B3GALT1: variants seen among roughly 807,000 people sequenced by gnomAD.
B3GALT1 encodes the protein UDP-Gal:betaGlcNAc beta 1,3-galactosyltransferase, polypeptide 1.
In B3GALT1, 10 loss-of-function variants were observed where a neutral mutation model predicts 23.2. That is an observed-to-expected ratio of 0.43 (90% confidence interval 0.27 to 0.73). B3GALT1 has a LOEUF of 0.73. Ranked by LOEUF, B3GALT1 falls within the 30% of genes least tolerant of loss-of-function variation. The pLI is 0.21. For synonymous variants in B3GALT1, 156 were observed against 141.5 expected (o/e 1.10, Z -0.73); for missense variants, 299 against 405.4 (o/e 0.74, Z 2.25).
Position 167,869,819 on chromosome 2 carries a change from G to T in B3GALT1, c.780G>T (p.Leu260=). 1 of 1,614,100 alleles carries T rather than the reference G, an allele frequency of 6.2e-7. No homozygotes were observed. Among genetic ancestry groups the T allele is most frequent in the Non-Finnish European group, 8.5e-7 (1 of 1,179,998 alleles). ...LIYKTSLHTR[L]LHLEDVYVGL... ...ACAAGACCTCACTCCACACAAGGCTGCTTCACCTTGAAGACGTATATGTGG... is the reference window on the plus strand; with the variant it reads ...ACAAGACCTCACTCCACACAAGGCTTCTTCACCTTGAAGACGTATATGTGG... Residue 260 remains leucine (L), a synonymous_variant, in exon 5 of 5, where the codon CTG becomes CTT. Coordinates refer to ENST00000392690, the MANE Select transcript of B3GALT1 (RefSeq NM_020981.4). The surrounding 1 kb of genome is among the most constrained non-coding windows in gnomAD (Gnocchi z 6.4).
chr2:167,671,164 C>T (rs1021372602), intron 3 of B3GALT1, among the ~76,000 whole-genome samples: 2 of 151,810 alleles, frequency 1.3e-5, no homozygotes, highest in Non-Finnish European at 2.9e-5. Context: ...ATATACAAAG[C>T]AAATATTAAC....
At chr2:167,457,599 A>G (rs1699191822) in intron 1 of B3GALT1, among the ~76,000 whole-genome samples, 1 of 152,042 alleles carries the variant, frequency 6.6e-6, no homozygotes, top group South Asian at 2.1e-4. Flanking sequence ...TCCATAATCC[A>G]TCACCAATTT....
chr2:167,498,706 A>G (rs1699809376), intron 2 of B3GALT1, among the ~76,000 whole-genome samples: 1 of 152,146 alleles, frequency 6.6e-6, no homozygotes, highest in Non-Finnish European at 1.5e-5. Flanking sequence ...AGTCATCTGG[A>G]ATTTCAGGAT....
At position 167,354,567 on chromosome 2, in the gene B3GALT1, G is replaced by C. The variant is rs59956385; in HGVS notation, c.-511+61233G>C. Among the ~76,000 whole-genome samples the C allele has an allele frequency of 3.9e-5, 6 of 152,026 alleles. No homozygotes were observed. In the East Asian group the frequency reaches 1.2e-3, roughly 29 times the overall value. The stretch of plus-strand genomic sequence containing the variant: ...TCACCATGTTGGCCAGGATGGTCTC[G>C]GTCTGTTGACCTCGTGATCCACCCG... On this transcript the variant is annotated intron_variant, in intron 1 of 4. Transcript: ENST00000392690.
At chr2:167,760,109 A>G (rs1298850366) in intron 3 of B3GALT1, among the ~76,000 whole-genome samples, 1 of 152,194 alleles carries the variant, frequency 6.6e-6, no homozygotes, top group Non-Finnish European at 1.5e-5. Flanking sequence ...AGAACTTGAG[A>G]GTTCAGTTAA....
intron 2 of B3GALT1, among the ~76,000 whole-genome samples, chr2:167,641,377 T>C (rs1443198127): frequency 6.6e-6 from 1 of 152,132 alleles, no homozygotes; most frequent in East Asian, 1.9e-4. Context: ...TTATCCATCT[T>C]CCTAAATCCA....
intron 1 of B3GALT1, among the ~76,000 whole-genome samples, chr2:167,480,875 C>T (rs184518799): frequency 1.6e-3 from 238 of 152,286 alleles, no homozygotes; most frequent in Non-Finnish European, 2.4e-3. Context: ...CCCATACTGT[C>T]TACACTCCTT....
intron 2 of B3GALT1, among the ~76,000 whole-genome samples, chr2:167,645,020 C>T (rs1468210426): frequency 6.6e-6 from 1 of 152,004 alleles, no homozygotes; most frequent in African/African-American, 2.4e-5. Flanking sequence ...AATATATTTC[C>T]CATTTATTCT....
At chr2:167,844,539 A>C (rs987339050) in intron 4 of B3GALT1, among the ~76,000 whole-genome samples, 1 of 152,188 alleles carries the variant, frequency 6.6e-6, no homozygotes, top group South Asian at 2.1e-4. Context: ...GAGCAGAGTC[A>C]ATTTAGAGAG....
intron 1 of B3GALT1, among the ~76,000 whole-genome samples, chr2:167,341,380 G>A (rs1697143324): frequency 6.6e-6 from 1 of 152,136 alleles, no homozygotes; most frequent in South Asian, 2.1e-4. Flanking sequence ...AAAGATTACT[G>A]CCTGCGTGTG....
At chr2:167,558,619 C>T (rs746410436) in intron 2 of B3GALT1, among the ~76,000 whole-genome samples, 1 of 152,208 alleles carries the variant, frequency 6.6e-6, no homozygotes, top group Non-Finnish European at 1.5e-5. Flanking sequence ...CTGCGCTTTT[C>T]CGACGGGCTT....
chr2:167,746,542 C>A (rs1030769052), intron 3 of B3GALT1, among the ~76,000 whole-genome samples: 11 of 152,306 alleles, frequency 7.2e-5, no homozygotes, highest in African/African-American at 2.4e-4. Flanking sequence ...CAGCTGAATT[C>A]TTTTGCTGTT....
intron 2 of B3GALT1, among the ~76,000 whole-genome samples, chr2:167,530,608 A>C (rs1373431060): frequency 6.6e-6 from 1 of 152,192 alleles, no homozygotes; most frequent in Non-Finnish European, 1.5e-5. Context: ...GCTATTAAAA[A>C]ATTGAGAATT....
At chr2:167,521,544 A>G (rs1700188413) in intron 2 of B3GALT1, among the ~76,000 whole-genome samples, 1 of 152,108 alleles carries the variant, frequency 6.6e-6, no homozygotes, top group African/African-American at 2.4e-5. Context: ...ATCTTTGTCT[A>G]CAAATGTGGC....
intron 4 of B3GALT1, among the ~76,000 whole-genome samples, chr2:167,825,283 C>CAAAAAAAAA (rs71963760): frequency 4.9e-5 from 4 of 82,240 alleles, no homozygotes; most frequent in African/African-American, 1.5e-4. Context: ...GACTCCGTCT[C>CAAAAAAAAA]AAAAAAAAAA....
Position 167,340,335 on chromosome 2 carries a change from A to AAAAC in B3GALT1, c.-511+47001_-511+47002insAAAC, listed in dbSNP as rs1553513212. ...GGAGAAAAAAAAAAAAAAAAAAAAAACAGAGCTTTTGGCAATGGAACAAGG... is the reference window on the plus strand; with the variant it reads ...GGAGAAAAAAAAAAAAAAAAAAAAAAAAACCAGAGCTTTTGGCAATGGAACAAGG... On this transcript the variant is annotated intron_variant, in intron 1 of 4. Coordinates refer to ENST00000392690, the MANE Select transcript of B3GALT1 (RefSeq NM_020981.4). Among the ~76,000 whole-genome samples the AAAAC allele has an allele frequency of 4.3e-5, 6 of 140,664 alleles. 1 individual carries two copies. Among genetic ancestry groups the AAAAC allele is most frequent in the Non-Finnish European group, 4.7e-5 (3 of 63,736 alleles). 92.3% of individuals were successfully genotyped at this position (140,664 alleles called of 152,430 possible).
At chr2:167,751,895 T>G (rs989391626) in intron 3 of B3GALT1, among the ~76,000 whole-genome samples, 4 of 152,122 alleles carry the variant, frequency 2.6e-5, no homozygotes, top group Non-Finnish European at 4.4e-5. Context: ...AGGAACCAAG[T>G]AGGGGCTGAC....
chr2:167,851,001 T>C (rs902564805), intron 4 of B3GALT1, among the ~76,000 whole-genome samples: 1 of 152,090 alleles, frequency 6.6e-6, no homozygotes. Flanking sequence ...AATGAAAATA[T>C]ATAAGATACA....
At chr2:167,555,449 A>C (rs1683827560) in intron 2 of B3GALT1, among the ~76,000 whole-genome samples, 1 of 152,118 alleles carries the variant, frequency 6.6e-6, no homozygotes, top group Admixed American at 6.5e-5. Flanking sequence ...TCAATCTTTT[A>C]TGGGTATTTT....
Sources: allele counts gnomAD v4.1 joint callset (sites outside exome capture counted in the v4.1 genomes callset), GRCh38; gene constraint gnomAD v4.1.1; non-coding constraint Gnocchi (gnomAD v3.1); transcripts MANE v1.5; gene names NCBI Gene and HGNC (gene_info 2026-07-23, HGNC 2026-07-21).